TBC1D10B: variants seen among roughly 807,000 people sequenced by gnomAD.
TBC1D10B encodes the protein Rab27A-GAPbeta.
Under a neutral mutation model 78.4 loss-of-function variants are expected in TBC1D10B, and 25 were observed. That is an observed-to-expected ratio of 0.32 (90% CI 0.23 to 0.45). TBC1D10B has a LOEUF of 0.45. TBC1D10B is among the 20% of genes least tolerant of loss of function. The pLI is 1.00. For synonymous variants in TBC1D10B, 517 were observed against 478.0 expected, an observed-to-expected ratio of 1.08 and a Z score of -1.06; for missense variants, 996 against 1,104.8, an observed-to-expected ratio of 0.90 and a Z score of 1.40.
Position 30,365,459 on chromosome 16 carries a change from T to A in TBC1D10B, c.1056+36A>T. ...TGGAGCACATGCTACCCCTCCCAACTTGTGCATTGCCCTGCCCACCATTCA... is the reference window on the plus strand; with the variant it reads ...TGGAGCACATGCTACCCCTCCCAACATGTGCATTGCCCTGCCCACCATTCA... On this transcript the variant is annotated intron_variant, in intron 2 of 8. Transcript: ENST00000409939. This position sits in a 1 kb window ranked among gnomAD's most constrained non-coding sequence, Gnocchi z 5.0. 4.4e-6 allele frequency: 7 copies of A among 1,609,030 alleles called. No homozygotes were observed. The highest frequency in any genetic ancestry group is 4.5e-5 in the East Asian group (2 of 44,868).
chr16:30,359,287 C>A lies in TBC1D10B; in HGVS notation c.1527G>T (p.Leu509=). The change falls in exon 7 of 9, where the codon CTG becomes CTT. Residue 509 remains leucine (L), a synonymous_variant. Transcript: ENST00000409939. Reference sequence around the variant, plus strand: ...GCACAGGGTCAATGCGCTGCCGCCGCAGGTGGCGATGCGCCAGCGGGGAGG... The same window carrying A: ...GCACAGGGTCAATGCGCTGCCGCCGAAGGTGGCGATGCGCCAGCGGGGAGG... ...RRASPLAHRH[L]RRQRIDPVLY... The A allele has an allele frequency of 6.2e-7, 1 of 1,607,464 alleles. No homozygotes were observed. Among genetic ancestry groups the A allele is most frequent in the South Asian group, 1.1e-5 (1 of 89,998 alleles).
In TBC1D10B at chr16:30,369,863, G is replaced by A; in HGVS notation, c.321C>T (p.Ser107=). Residue 107 remains serine, a synonymous_variant, in exon 1 of 9, where the codon TCC becomes TCT. Coordinates refer to ENST00000409939, the MANE Select transcript of TBC1D10B (RefSeq NM_015527.4). The surrounding 1 kb of genome is among the most constrained non-coding windows in gnomAD (Gnocchi z 4.3). ...CCGCGGGCTCTGGGGATTCCGGGCCGGAGGGGAGCTGCGGCTTTGGGGCTT... is the reference window on the plus strand; with the variant it reads ...CCGCGGGCTCTGGGGATTCCGGGCCAGAGGGGAGCTGCGGCTTTGGGGCTT... ...SPEAPKPQLP[S]GPESPEPAAV... is the part of the protein sequence containing the mutation. 2.1e-6 allele frequency: 3 copies of A among 1,402,940 alleles called. No homozygotes were observed. In the South Asian group the frequency reaches 4.8e-5, roughly 22 times the overall value. 86.9% of individuals were successfully genotyped at this position (1,402,940 alleles called of 1,614,324 possible). A position where few individuals can be genotyped will look rare whatever the true frequency, so the allele number is the denominator to read the frequency against.
intron 4 of TBC1D10B, among the ~76,000 whole-genome samples, chr16:30,361,118 CTACCAAAAATACAAAAAT>C (rs1161138294): frequency 6.6e-6 from 1 of 152,184 alleles, no homozygotes; most frequent in Non-Finnish European, 1.5e-5. Context: ...AACCCCGTCT[CTACCAAAAATACAAAAAT>C]TAGCCAGGTG....
rs986621788 is a variant in TBC1D10B, at chr16:30,369,819, G to A, written c.365C>T (p.Thr122Ile). ...PEPAAVAGVE[T>I]SRALAAGADS... is the part of the protein sequence containing the mutation. ...TGCCCCTGCGGCCAGAGCCCTCGAT[G>A]TCTCAACTCCAGCCACTGCCGCGGG... The change falls in exon 1 of 9, where the codon ACA (threonine) becomes ATA (isoleucine). Residue 122 changes from threonine to isoleucine, a missense_variant. By Grantham distance (89) the Thr-to-Ile change is moderately conservative (BLOSUM62 -1). Coordinates refer to ENST00000409939, the MANE Select transcript of TBC1D10B (RefSeq NM_015527.4). This position sits in a 1 kb window ranked among gnomAD's most constrained non-coding sequence, Gnocchi z 4.3. The A allele has an allele frequency of 8.5e-5, 120 of 1,419,328 alleles. No individual in the cohort carries two copies. Among genetic ancestry groups the A allele is most frequent in the Non-Finnish European group, 1.1e-4 (118 of 1,087,418 alleles). The allele number at this position is 1,419,328 out of a possible 1,614,324, so 87.9% of individuals were successfully genotyped here.
At position 30,359,859 on chromosome 16, in the gene TBC1D10B, G is replaced by A. The variant is rs764436797; in HGVS notation, c.1272-18C>T. 7.1e-6 allele frequency: 11 copies of A among 1,547,674 alleles called. No individual in the cohort carries two copies. Among genetic ancestry groups the A allele is most frequent in the East Asian group, 2.4e-5 (1 of 41,134 alleles). ...CCTGTTGCCTGTGGGGGTTGGGGAAGACTGTGAGGGCAGTCACGGGCTGAG... is the reference window on the plus strand; with the variant it reads ...CCTGTTGCCTGTGGGGGTTGGGGAAAACTGTGAGGGCAGTCACGGGCTGAG... On this transcript the variant is annotated intron_variant, in intron 4 of 8. Transcript: ENST00000409939.
Position 30,369,605 on chromosome 16 carries a change from T to C in TBC1D10B, c.579A>G (p.Thr193=). 1 of 1,526,886 alleles carries C rather than the reference T, an allele frequency of 6.5e-7. No homozygotes were observed. Among genetic ancestry groups the C allele is most frequent in the Non-Finnish European group, 8.8e-7 (1 of 1,133,740 alleles). The allele number at this position is 1,526,886 out of a possible 1,614,324, so 94.6% of individuals were successfully genotyped here. Residue 193 remains threonine, a synonymous_variant, in exon 1 of 9, where the codon ACA becomes ACG. Coordinates refer to ENST00000409939, the MANE Select transcript of TBC1D10B (RefSeq NM_015527.4). This position sits in a 1 kb window ranked among gnomAD's most constrained non-coding sequence, Gnocchi z 4.3. ...VTARSASGQV[T]GGHGAAAATS... ...TTGCTGCGGCAGCTCCATGCCCACCTGTCACTTGTCCTGATGCACTCCGTG... is the reference window on the plus strand; with the variant it reads ...TTGCTGCGGCAGCTCCATGCCCACCCGTCACTTGTCCTGATGCACTCCGTG...
At position 30,365,056 on chromosome 16, in the gene TBC1D10B, C is replaced by T. The variant is rs556263840; in HGVS notation, c.1164+49G>A. On this transcript the variant is annotated intron_variant, in intron 3 of 8. Coordinates refer to ENST00000409939, the MANE Select transcript of TBC1D10B (RefSeq NM_015527.4). The surrounding 1 kb of genome is among the most constrained non-coding windows in gnomAD (Gnocchi z 5.0). ...CTCAGCATCTGGGGGAACTGATACCCCTTGCACAGACAGGGCCACATGTCC... is the reference window on the plus strand; with the variant it reads ...CTCAGCATCTGGGGGAACTGATACCTCTTGCACAGACAGGGCCACATGTCC... The T allele has an allele frequency of 5.0e-6, 8 of 1,612,804 alleles. No individual in the cohort carries two copies. In the East Asian group the frequency reaches 1.8e-4, roughly 36 times the overall value.
At chr16:30,361,299 C>CA (rs990968404) in intron 4 of TBC1D10B, among the ~76,000 whole-genome samples, 11 of 151,664 alleles carry the variant, frequency 7.3e-5, no homozygotes, top group South Asian at 2.1e-4. Flanking sequence ...TCAAAACAAA[C>CA]AAAAAAAAGT....
chr16:30,363,136 T>C (rs2049610183), intron 4 of TBC1D10B, among the ~76,000 whole-genome samples: 1 of 152,070 alleles, frequency 6.6e-6, no homozygotes, highest in African/African-American at 2.4e-5. Flanking sequence ...GCAACTCCAT[T>C]CTTCTCATTT....
Position 30,365,016 on chromosome 16 carries a change from G to A in TBC1D10B, c.1165-10C>T. 6.2e-7 allele frequency: 1 copy of A among 1,613,040 alleles called. No homozygotes were observed. Among genetic ancestry groups the A allele is most frequent in the East Asian group, 2.2e-5 (1 of 44,850 alleles). The stretch of plus-strand genomic sequence containing the variant: ...GAGCCCGTTCCAGCTCCTGCAGTGG[G>A]ACAGTGGGGATTACCTCAGCATCTG... On this transcript the variant is annotated splice_polypyrimidine_tract_variant and intron_variant, in intron 3 of 8. Coordinates refer to ENST00000409939, the MANE Select transcript of TBC1D10B (RefSeq NM_015527.4). This position sits in a 1 kb window ranked among gnomAD's most constrained non-coding sequence, Gnocchi z 5.0.
chr16:30,358,773 T>C lies in TBC1D10B; in HGVS notation c.1687A>G (p.Thr563Ala), dbSNP rs1420326572. Residue 563 changes from threonine (T) to alanine (A), a missense_variant, in exon 8 of 9, where the codon ACG becomes GCG. By Grantham distance (58) the Thr-to-Ala change is moderately conservative. Transcript: ENST00000409939. The stretch of plus-strand genomic sequence containing the variant: ...CGCAGCTTCTCCACTGAGCCCAGCG[T>C]GTGGCGCAGCAGGACCAGGGCCACC... ...FRVALVLLRH[T>A]LGSVEKLRSC... 6.2e-7 allele frequency: 1 copy of C among 1,609,484 alleles called. No individual in the cohort carries two copies. The highest frequency in any genetic ancestry group is 8.5e-7 in the Non-Finnish European group (1 of 1,178,130).
Position 30,365,054 on chromosome 16 carries a change from C to A in TBC1D10B, c.1165-48G>T. On this transcript the variant is annotated intron_variant, in intron 3 of 8. Coordinates refer to ENST00000409939, the MANE Select transcript of TBC1D10B (RefSeq NM_015527.4). The surrounding 1 kb of genome is among the most constrained non-coding windows in gnomAD (Gnocchi z 5.0). The stretch of plus-strand genomic sequence containing the variant: ...ACCTCAGCATCTGGGGGAACTGATA[C>A]CCCTTGCACAGACAGGGCCACATGT... The A allele has an allele frequency of 6.2e-7, 1 of 1,612,410 alleles. No individual in the cohort carries two copies. The highest frequency in any genetic ancestry group is 1.7e-4 in the Middle Eastern group (1 of 6,060).
At position 30,359,577 on chromosome 16, in the gene TBC1D10B, G is replaced by C. The variant is rs947243368; in HGVS notation, c.1413C>G (p.Ile471Met). 39 of 1,563,086 alleles carry C rather than the reference G, an allele frequency of 2.5e-5. No individual in the cohort carries two copies. Among genetic ancestry groups the C allele is most frequent in the Non-Finnish European group, 3.3e-5 (38 of 1,153,874 alleles). Residue 471 changes from isoleucine (I) to methionine (M), a missense_variant, in exon 6 of 9, where the codon ATC (isoleucine) becomes ATG (methionine). Physicochemically the swap from Ile to Met is conservative, Grantham distance 10 (BLOSUM62 1). Around this residue, in one of 5 missense-constraint regions of TBC1D10B, gnomAD observed 168 missense variants for 238.7 expected, o/e 0.70. Transcript: ENST00000409939. ...AGTAACCTGGGAGGTACTTGTCGCA[G>C]ATCTGCACCAGGCACCAAAAGGCTT... ...AEQAFWCLVQ[I>M]CDKYLPGYYS...
chr16:30,359,282 C>T lies in TBC1D10B; in HGVS notation c.1532G>A (p.Arg511Gln), dbSNP rs773121272. ...ASPLAHRHLR[R>Q]QRIDPVLYMT... The stretch of plus-strand genomic sequence containing the variant: ...GTAGAGCACAGGGTCAATGCGCTGC[C>T]GCCGCAGGTGGCGATGCGCCAGCGG... The change falls in exon 7 of 9, where the codon CGG (arginine) becomes CAG (glutamine). Residue 511 changes from arginine (R) to glutamine (Q), a missense_variant. Around this residue, in one of 5 missense-constraint regions of TBC1D10B, gnomAD observed 168 missense variants for 238.7 expected, o/e 0.70. Transcript: ENST00000409939. The T allele has an allele frequency of 2.9e-5, 46 of 1,608,168 alleles. No individual in the cohort carries two copies. Among genetic ancestry groups the T allele is most frequent in the Non-Finnish European group, 3.9e-5 (46 of 1,177,482 alleles).
At position 30,357,579 on chromosome 16, in the gene TBC1D10B, T is replaced by A. The variant is rs910372195; in HGVS notation, c.*365A>T. On this transcript the variant is annotated 3_prime_UTR_variant, in exon 9 of 9. Coordinates refer to ENST00000409939, the MANE Select transcript of TBC1D10B (RefSeq NM_015527.4). ...CAGGGAAAAGGAAGCCAGCTCCACC[T>A]CATGGTAAGGGGAGCTATGGAGTGT... 1 of 272,348 alleles carries A rather than the reference T, an allele frequency of 3.7e-6. No homozygotes were observed. Among genetic ancestry groups the A allele is most frequent in the African/African-American group, 2.1e-5 (1 of 46,594 alleles). 16.9% of individuals were successfully genotyped at this position (272,348 alleles called of 1,614,324 possible).
intron 4 of TBC1D10B, among the ~76,000 whole-genome samples, chr16:30,360,572 G>GT (rs1567412363): frequency 6.6e-6 from 1 of 152,040 alleles, no homozygotes; most frequent in Non-Finnish European, 1.5e-5. Flanking sequence ...CCACTTCCCA[G>GT]AATAGCTTTT....
In TBC1D10B at chr16:30,369,480, G is replaced by A. The variant is rs1434635022; in HGVS notation, c.704C>T (p.Pro235Leu). The A allele has an allele frequency of 6.4e-7, 1 of 1,551,278 alleles. No homozygotes were observed. Among genetic ancestry groups the A allele is most frequent in the African/African-American group, 1.4e-5 (1 of 73,062 alleles). The change falls in exon 1 of 9, where the codon CCA becomes CTA. Residue 235 changes from proline to leucine, a missense_variant. Coordinates refer to ENST00000409939, the MANE Select transcript of TBC1D10B (RefSeq NM_015527.4). This position sits in a 1 kb window ranked among gnomAD's most constrained non-coding sequence, Gnocchi z 4.3. Reference sequence around the variant, plus strand: ...AGAGTTTTCAGCAGGCTCCGGAGCTGGGGTCACGGTCACGACAGCTACCGG... The same window carrying A: ...AGAGTTTTCAGCAGGCTCCGGAGCTAGGGTCACGGTCACGACAGCTACCGG... Reference protein sequence around the residue: ...EAPVAVVTVTPAPEPAENSQD... With the variant: ...EAPVAVVTVTLAPEPAENSQD...
In TBC1D10B at chr16:30,369,309, G is replaced by C. The variant is rs1158671220; in HGVS notation, c.875C>G (p.Ser292Ter). ...SLADDVSSMG[S>*]DSEINGLALR... ...GGCCAGCCCGTTTATCTCTGAATCT[G>C]AGCCCATGGAGCTCACATCATCCGC... Residue 292 changes from serine to a stop codon, truncating the protein, a stop_gained, in exon 1 of 9, where the codon TCA (serine) becomes TGA (stop). Coordinates refer to ENST00000409939, the MANE Select transcript of TBC1D10B (RefSeq NM_015527.4). LOFTEE classifies it high-confidence loss of function. This position sits in a 1 kb window ranked among gnomAD's most constrained non-coding sequence, Gnocchi z 4.3. 1 of 1,592,990 alleles carries C rather than the reference G, an allele frequency of 6.3e-7. No homozygotes were observed. Among genetic ancestry groups the C allele is most frequent in the African/African-American group, 1.3e-5 (1 of 74,336 alleles).
Position 30,357,270 on chromosome 16 carries a change from G to C in TBC1D10B, c.*674C>G, listed in dbSNP as rs3766. 0.17 allele frequency: 25,769 copies of C among 154,734 alleles called. 2,789 individuals are homozygous for C. The highest frequency in any genetic ancestry group is 0.25 in the Non-Finnish European group (17,398 of 69,390). 9.6% of individuals were successfully genotyped at this position (154,734 alleles called of 1,614,324 possible). A position where few individuals can be genotyped will look rare whatever the true frequency, so the allele number is the denominator to read the frequency against. ...TGGAAGGGAACAAGGTGAAAGGTATGGGTCCTGGTGAGACAAAAGCAGGGG... is the reference window on the plus strand; with the variant it reads ...TGGAAGGGAACAAGGTGAAAGGTATCGGTCCTGGTGAGACAAAAGCAGGGG... On this transcript the variant is annotated 3_prime_UTR_variant, in exon 9 of 9. Transcript: ENST00000409939.
Sources: allele counts gnomAD v4.1 joint callset (sites outside exome capture counted in the v4.1 genomes callset), GRCh38; gene constraint gnomAD v4.1.1; regional missense constraint gnomAD v4.1.1; non-coding constraint Gnocchi (gnomAD v3.1); transcripts MANE v1.5; gene names NCBI Gene and HGNC (gene_info 2026-07-23, HGNC 2026-07-21).